SEMA6D: variants seen among roughly 807,000 people sequenced by gnomAD.
SEMA6D encodes semaphorin 6D, also known as semaphorin-6D.
In SEMA6D, 35 loss-of-function variants were observed where a neutral mutation model predicts 106.6. The ratio of observed to expected loss-of-function variants is 0.33; its 90% confidence interval spans 0.25 to 0.44. SEMA6D has a LOEUF of 0.44. SEMA6D is among the 20% of genes least tolerant of loss of function. The pLI, the probability that SEMA6D is intolerant of heterozygous loss-of-function variation, is 1.00. For missense variants in SEMA6D, 1,185 were observed against 1,345.9 expected (o/e 0.88, Z 1.87); for synonymous variants, 499 against 487.7 (o/e 1.02, Z -0.31).
intron 1 of SEMA6D, among the ~76,000 whole-genome samples, chr15:47,199,715 C>A (rs1389363220): frequency 1.3e-5 from 2 of 152,056 alleles, no homozygotes; most frequent in African/African-American, 2.4e-5. Flanking sequence ...AGAAAACTTG[C>A]TAAACTAAAA....
intron 3 of SEMA6D, among the ~76,000 whole-genome samples, chr15:47,554,794 TA>T (rs2045868005): frequency 1.3e-5 from 2 of 152,254 alleles, no homozygotes; most frequent in South Asian, 4.2e-4. Context: ...AGCTTCTGTG[TA>T]TTTTCTCTAA....
At chr15:47,320,111 T>C (rs1321152318) in intron 1 of SEMA6D, among the ~76,000 whole-genome samples, 7 of 152,194 alleles carry the variant, frequency 4.6e-5, no homozygotes, top group Non-Finnish European at 1.5e-5. Context: ...GAGTGGTATC[T>C]TTCAAGCTCC....
chr15:47,516,979 T>C (rs2044408543), intron 3 of SEMA6D, among the ~76,000 whole-genome samples: 1 of 152,188 alleles, frequency 6.6e-6, no homozygotes, highest in South Asian at 2.1e-4. Flanking sequence ...ACTGAAACAA[T>C]TTCCTTGAGT....
intron 1 of SEMA6D, among the ~76,000 whole-genome samples, chr15:47,406,845 T>G (rs940682162): frequency 6.6e-6 from 1 of 152,060 alleles, no homozygotes; most frequent in Admixed American, 6.6e-5. Context: ...TTAGCTTGAT[T>G]GTGGTAATAA....
intron 3 of SEMA6D, among the ~76,000 whole-genome samples, chr15:47,495,899 G>A (rs962963879): frequency 1.3e-5 from 2 of 151,946 alleles, no homozygotes; most frequent in Admixed American, 6.6e-5. Flanking sequence ...CAGCTTTGTA[G>A]AGTTTAAAGA....
At chr15:47,566,876 CG>C (rs1406516449) in intron 3 of SEMA6D, among the ~76,000 whole-genome samples, 5 of 151,558 alleles carry the variant, frequency 3.3e-5, no homozygotes, top group African/African-American at 1.2e-4. Flanking sequence ...TGAAGGAAGA[CG>C]GAAGATGTTT....
chr15:47,608,487 A>T (rs574349922), intron 4 of SEMA6D, among the ~76,000 whole-genome samples: 65 of 152,298 alleles, frequency 4.3e-4, no homozygotes, highest in African/African-American at 1.6e-3. Flanking sequence ...AAAATTGCAA[A>T]GTTACCAACT....
intron 1 of SEMA6D, chr15:47,359,972 C>T (rs1467807638): frequency 3.9e-5 from 6 of 152,008 alleles, no homozygotes; most frequent in African/African-American, 1.4e-4. Flanking sequence ...GATTTTGGCC[C>T]CCCAAAAAGA....
intron 3 of SEMA6D, among the ~76,000 whole-genome samples, chr15:47,567,643 TG>T (rs777540068): frequency 3.3e-5 from 5 of 152,216 alleles, no homozygotes; most frequent in Non-Finnish European, 7.3e-5. Flanking sequence ...CACTATTCTC[TG>T]TTTTCCTTCA....
At chr15:47,515,028 C>T (rs1305951976) in intron 3 of SEMA6D, among the ~76,000 whole-genome samples, 2 of 152,226 alleles carry the variant, frequency 1.3e-5, no homozygotes, top group African/African-American at 4.8e-5. Flanking sequence ...TTCCTACCCC[C>T]ATTCTTTCCC....
intron 1 of SEMA6D, among the ~76,000 whole-genome samples, chr15:47,354,104 A>T (rs2038441115): frequency 6.6e-6 from 1 of 150,896 alleles, no homozygotes; most frequent in Non-Finnish European, 1.5e-5. Flanking sequence ...ATATGTATAC[A>T]TATATATATG....
At chr15:47,390,389 T>C (rs2039985092) in intron 1 of SEMA6D, among the ~76,000 whole-genome samples, 1 of 152,202 alleles carries the variant, frequency 6.6e-6, no homozygotes, top group Non-Finnish European at 1.5e-5. Flanking sequence ...CAAAGTGTAC[T>C]CAGCCACCAT....
intron 3 of SEMA6D, among the ~76,000 whole-genome samples, chr15:47,472,020 G>C (rs1446597447): frequency 1.3e-5 from 2 of 151,696 alleles, no homozygotes; most frequent in East Asian, 3.9e-4. Flanking sequence ...GATGGAGGGA[G>C]AGAAAAGAGA....
At chr15:47,519,004 C>G (rs923315348) in intron 3 of SEMA6D, among the ~76,000 whole-genome samples, 1 of 152,030 alleles carries the variant, frequency 6.6e-6, no homozygotes, top group African/African-American at 2.4e-5. Context: ...GCAGGTGGAT[C>G]ACTTGAGGAC....
At chr15:47,537,018 T>A (rs1360130145) in intron 3 of SEMA6D, among the ~76,000 whole-genome samples, 1 of 152,122 alleles carries the variant, frequency 6.6e-6, no homozygotes, top group Non-Finnish European at 1.5e-5. Flanking sequence ...GATATAGAAG[T>A]CAGATAACAC....
chr15:47,197,782 A>G (rs1005953395), intron 1 of SEMA6D, among the ~76,000 whole-genome samples: 9 of 152,200 alleles, frequency 5.9e-5, no homozygotes, highest in Non-Finnish European at 1.3e-4. Context: ...CTGTATTCCC[A>G]TGCCGTCATT....
At chr15:47,453,295 A>G (rs2042245918) in intron 2 of SEMA6D, among the ~76,000 whole-genome samples, 1 of 151,882 alleles carries the variant, frequency 6.6e-6, no homozygotes, top group African/African-American at 2.4e-5. Flanking sequence ...TCGAAAAAAA[A>G]AACACCCTTT....
intron 3 of SEMA6D, among the ~76,000 whole-genome samples, chr15:47,511,852 C>A (rs942524690): frequency 6.6e-6 from 1 of 152,104 alleles, no homozygotes. Context: ...CACACATGTG[C>A]TGTGTGAGCC....
chr15:47,460,341 C>T (rs535511859), intron 2 of SEMA6D, among the ~76,000 whole-genome samples: 1 of 152,130 alleles, frequency 6.6e-6, no homozygotes, highest in East Asian at 1.9e-4. Context: ...AAGATTTAAG[C>T]CAACAAGAAG....
Sources: gnomAD v4.1 joint callset for allele counts (sites outside exome capture counted in the v4.1 genomes callset) on GRCh38, gnomAD v4.1.1 for gene constraint, MANE v1.5 for transcripts, NCBI Gene and HGNC (gene_info 2026-07-23, HGNC 2026-07-21) for gene names.